NAA11: variants seen among roughly 807,000 people sequenced by gnomAD.
The protein encoded by NAA11 is N-alpha-acetyltransferase 11.
Under a neutral mutation model 16.1 loss-of-function variants are expected in NAA11, and 15 were observed. The ratio of observed to expected loss-of-function variants is 0.93; its 90% CI spans 0.62 to 1.44. The LOEUF is 1.44. Among genes scored for constraint, NAA11 ranks in the 40% most tolerant of loss-of-function variants. NAA11 has a pLI of 0.00. For missense variants in NAA11, 298 were observed against 291.3 expected (o/e 1.02, Z -0.17); for synonymous variants, 122 against 112.4 (o/e 1.09, Z -0.54).
At chr4:79,183,963 G>A in the NAA11 span, among the ~76,000 whole-genome samples, 1 of 151,948 alleles carries the variant, frequency 6.6e-6, no homozygotes, top group African/African-American at 2.4e-5. Flanking sequence ...GCTCTACCTT[G>A]ACAACAACAT....
the NAA11 span, among the ~76,000 whole-genome samples, chr4:79,182,960 G>A: frequency 3.9e-5 from 6 of 151,916 alleles, no homozygotes; most frequent in African/African-American, 1.2e-4. Flanking sequence ...CAAAGCCCTC[G>A]ACCTCATGGA....
chr4:79,265,213 A>G (rs1022740758), intron 2 of NAA11, among the ~76,000 whole-genome samples: 3 of 151,830 alleles, frequency 2.0e-5, no homozygotes, highest in Non-Finnish European at 4.4e-5. Flanking sequence ...AAGTCTCCCC[A>G]TTTTCCTCTA....
At chr4:79,258,339 C>A (rs529591231) in intron 2 of NAA11, among the ~76,000 whole-genome samples, 1 of 152,250 alleles carries the variant, frequency 6.6e-6, no homozygotes, top group African/African-American at 2.4e-5. Context: ...TTGCACTTTG[C>A]GGGGGCTGGG....
chr4:79,203,903 T>A, the NAA11 span, among the ~76,000 whole-genome samples: 36 of 151,698 alleles, frequency 2.4e-4, no homozygotes, highest in Non-Finnish European at 4.3e-4. Flanking sequence ...TACAAATGAC[T>A]AAAAAAATTA....
chr4:79,318,281 G>T (rs1341487040), intron 1 of NAA11, among the ~76,000 whole-genome samples: 1 of 152,108 alleles, frequency 6.6e-6, no homozygotes, highest in African/African-American at 2.4e-5. Flanking sequence ...TCTTTCTGAG[G>T]CCTGGACAGG....
At chr4:79,300,555 C>A (rs140203348) in intron 1 of NAA11, among the ~76,000 whole-genome samples, 10 of 152,208 alleles carry the variant, frequency 6.6e-5, no homozygotes, top group African/African-American at 2.4e-4. Context: ...CTATACAGGG[C>A]AGGAAGAGAA....
At chr4:79,199,238 T>C in the NAA11 span, among the ~76,000 whole-genome samples, 1 of 151,954 alleles carries the variant, frequency 6.6e-6, no homozygotes, top group South Asian at 2.1e-4. Context: ...AAAACCTGGC[T>C]GTTTTATACC....
chr4:79,157,987 C>T, the NAA11 span, among the ~76,000 whole-genome samples: 2 of 149,356 alleles, frequency 1.3e-5, no homozygotes, highest in African/African-American at 4.9e-5. Context: ...TGCAAGGTCT[C>T]CCTCCCGGGT....
intron 2 of NAA11, among the ~76,000 whole-genome samples, chr4:79,251,637 TAA>T (rs34614778): frequency 1.5e-4 from 22 of 149,836 alleles, no homozygotes; most frequent in South Asian, 4.2e-4. Context: ...AAAAGTGAAT[TAA>T]AAAAAAAAAC....
At chr4:79,161,180 A>C in the NAA11 span, among the ~76,000 whole-genome samples, 1 of 152,158 alleles carries the variant, frequency 6.6e-6, no homozygotes, top group Non-Finnish European at 1.5e-5. Context: ...TTTCTTGAAA[A>C]GACTATTCTT....
chr4:79,225,837 T>C (rs1026847341), exon 3 of NAA11: 1 of 151,988 alleles, frequency 6.6e-6, no homozygotes. Flanking sequence ...CATAGGGGGA[T>C]CTCCCGTTAA....
intron 2 of NAA11, among the ~76,000 whole-genome samples, chr4:79,252,798 T>C (rs1722025220): frequency 1.3e-5 from 2 of 152,160 alleles, no homozygotes; most frequent in African/African-American, 2.4e-5. Context: ...TATGCACATA[T>C]CACACAGGTC....
At chr4:79,283,270 A>C (rs531524158) in intron 2 of NAA11, among the ~76,000 whole-genome samples, 1 of 152,174 alleles carries the variant, frequency 6.6e-6, no homozygotes, top group Admixed American at 6.6e-5. Flanking sequence ...AAATGTCAAG[A>C]AGTTTTTTTT....
At chr4:79,222,268 TTTTC>T (rs1721205833), downstream of NAA11, among the ~76,000 whole-genome samples, 1 of 152,194 alleles carries the variant, frequency 6.6e-6, no homozygotes, top group Admixed American at 6.5e-5. Flanking sequence ...TTCTCTCTTT[TTTTC>T]TTTATTAGTC....
intron 2 of NAA11, among the ~76,000 whole-genome samples, chr4:79,272,884 T>C (rs1722530943): frequency 6.6e-6 from 1 of 151,940 alleles, no homozygotes; most frequent in Admixed American, 6.6e-5. Flanking sequence ...GTTGGCATTC[T>C]TGAGCGGCTG....
chr4:79,308,625 T>C (rs1723662536), intron 1 of NAA11: 1 of 152,192 alleles, frequency 6.6e-6, no homozygotes, highest in Non-Finnish European at 1.5e-5. Flanking sequence ...TCCACTTTTA[T>C]TGAAATAAAG....
At chr4:79,269,777 C>T (rs1384814634) in intron 2 of NAA11, among the ~76,000 whole-genome samples, 3 of 138,698 alleles carry the variant, frequency 2.2e-5, no homozygotes, top group African/African-American at 8.2e-5. Flanking sequence ...AGTCCTTGCC[C>T]ATGCCTATGT....
the NAA11 span, among the ~76,000 whole-genome samples, chr4:79,159,278 A>G: frequency 6.6e-6 from 1 of 152,216 alleles, no homozygotes; most frequent in African/African-American, 2.4e-5. Flanking sequence ...GGCTAAGGAT[A>G]TGAATAGACA....
intron 2 of NAA11, among the ~76,000 whole-genome samples, chr4:79,291,809 T>C (rs1332856620): frequency 2.0e-5 from 3 of 152,172 alleles, no homozygotes; most frequent in Non-Finnish European, 2.9e-5. Context: ...AAACATGTTA[T>C]ATAGTATTTT....
Sources: gnomAD v4.1 joint callset for allele counts (sites outside exome capture counted in the v4.1 genomes callset) on GRCh38, gnomAD v4.1.1 for gene constraint, MANE v1.5 for transcripts, NCBI Gene and HGNC (gene_info 2026-07-23, HGNC 2026-07-21) for gene names.